Variants in SPOCK3 observed in about 807,000 individuals in gnomAD.
SPOCK3 encodes testican-3.
SPOCK3 carries 30 observed loss-of-function variants against 56.6 expected under a neutral mutation model. The ratio of observed to expected loss-of-function variants is 0.53; its 90% CI spans 0.40 to 0.72. The LOEUF (loss-of-function observed/expected upper bound fraction) is 0.72. Ranked by LOEUF, SPOCK3 falls within the 30% of genes least tolerant of loss-of-function variation. SPOCK3 has a pLI of 0.00. For missense variants in SPOCK3, 527 were observed against 530.0 expected (o/e 0.99, Z 0.06); for synonymous variants, 196 against 183.3 (o/e 1.07, Z -0.56).
chr4:166,929,151 T>C (rs1455150673), intron 4 of SPOCK3, among the ~76,000 whole-genome samples: 1 of 143,536 alleles, frequency 7.0e-6, no homozygotes, highest in Non-Finnish European at 1.5e-5. Context: ...TCAGTATTAC[T>C]GTGAACCAAA....
intron 4 of SPOCK3, among the ~76,000 whole-genome samples, chr4:166,937,291 C>T (rs1200558062): frequency 6.6e-6 from 1 of 151,202 alleles, no homozygotes; most frequent in Non-Finnish European, 1.5e-5. Flanking sequence ...TAATTTTTCC[C>T]AGGATTACCA....
chr4:167,223,530 C>A (rs1172240090), intron 2 of SPOCK3, among the ~76,000 whole-genome samples: 2 of 151,808 alleles, frequency 1.3e-5, no homozygotes, highest in East Asian at 3.9e-4. Context: ...GTCTTTAGAG[C>A]CAAAATTCTA....
intron 2 of SPOCK3, among the ~76,000 whole-genome samples, chr4:167,225,466 T>C (rs1292655933): frequency 6.6e-6 from 1 of 152,086 alleles, no homozygotes; most frequent in Non-Finnish European, 1.5e-5. Context: ...AAAATAACTT[T>C]ATGAAGACTT....
rs180942246 is a variant in SPOCK3 at position 167,034,535 on chromosome 4, G to A, written c.235+27957C>T. Among the ~76,000 whole-genome samples the A allele has an allele frequency of 1.1e-3, 164 of 152,112 alleles. 1 individual carries two copies. The highest frequency in any genetic ancestry group is 6.8e-3 in the Middle Eastern group (2 of 294). ...ACTACCACAAAATGAAACCTACCTTGGCAGCATGGGAATGATTTCATTTTT... is the reference window on the plus strand; with the variant it reads ...ACTACCACAAAATGAAACCTACCTTAGCAGCATGGGAATGATTTCATTTTT... On this transcript the variant is annotated intron_variant, in intron 3 of 10. Coordinates refer to ENST00000357545, the MANE Select transcript of SPOCK3 (RefSeq NM_001040159.2).
intron 6 of SPOCK3, among the ~76,000 whole-genome samples, chr4:166,872,200 G>A (rs1025904554): frequency 1.3e-5 from 2 of 151,868 alleles, no homozygotes; most frequent in South Asian, 2.1e-4. Flanking sequence ...TCCTAGTAGT[G>A]TAATAAGACA....
At chr4:166,886,371 G>T (rs936010795) in intron 6 of SPOCK3, among the ~76,000 whole-genome samples, 4 of 152,090 alleles carry the variant, frequency 2.6e-5, no homozygotes, top group Admixed American at 6.6e-5. Flanking sequence ...TTATGAGTTA[G>T]AAAATGAGAA....
At chr4:166,970,647 C>G (rs983089380) in intron 4 of SPOCK3, among the ~76,000 whole-genome samples, 2 of 151,954 alleles carry the variant, frequency 1.3e-5, no homozygotes, top group Non-Finnish European at 2.9e-5. Flanking sequence ...ATTGCTTGAA[C>G]CCAGGAGGTG....
rs181281474 is a variant in SPOCK3, at chr4:166,867,133, C to T, written c.589+21997G>A. 3.9e-3 allele frequency among the ~76,000 whole-genome samples: 596 copies of T among 152,082 alleles called. 5 individuals carry two copies. The highest frequency in any genetic ancestry group is 0.014 in the African/African-American group (573 of 41,516). On this transcript the variant is annotated intron_variant, in intron 6 of 10. Coordinates refer to ENST00000357545, the MANE Select transcript of SPOCK3 (RefSeq NM_001040159.2). ...CTGATGAAGGCATCATTTTAATGCACAGTTTGCAGAATTGAGAGTGAAGTG... is the reference window on the plus strand; with the variant it reads ...CTGATGAAGGCATCATTTTAATGCATAGTTTGCAGAATTGAGAGTGAAGTG...
In SPOCK3 at chr4:166,945,963, TC is replaced by T. The variant is rs559045962; in HGVS notation, c.351-33221del. On this transcript the variant is annotated intron_variant, in intron 4 of 10. Coordinates refer to ENST00000357545, the MANE Select transcript of SPOCK3 (RefSeq NM_001040159.2). ...CAGAAGTAGTAAAAGAGGAAGAACC[TC>T]CTATTCTCTCTTAAACCCATTTCAA... Among the ~76,000 whole-genome samples the T allele has an allele frequency of 5.8e-4, 89 of 152,252 alleles. 3 individuals carry two copies. The South Asian group carries it at 0.018, about 30-fold the overall frequency.
intron 2 of SPOCK3, among the ~76,000 whole-genome samples, chr4:167,168,151 C>T (rs1730161052): frequency 6.6e-6 from 1 of 152,080 alleles, no homozygotes; most frequent in Non-Finnish European, 1.5e-5. Context: ...TATAAATTAC[C>T]CAGTCTTGGG....
At chr4:166,993,916 G>A (rs925350701) in intron 4 of SPOCK3, among the ~76,000 whole-genome samples, 18 of 152,262 alleles carry the variant, frequency 1.2e-4, no homozygotes, top group Non-Finnish European at 1.2e-4. Flanking sequence ...AAAACAGAGG[G>A]AGATACATAG....
chr4:166,734,787 T>C lies in SPOCK3; in HGVS notation c.*134A>G. 1 of 781,552 alleles carries C rather than the reference T, an allele frequency of 1.3e-6. No individual in the cohort carries two copies. The highest frequency in any genetic ancestry group is 1.9e-6 in the Non-Finnish European group (1 of 516,516). The allele number at this position is 781,552 out of a possible 1,614,324, so 48.4% of individuals were successfully genotyped here. A position where few individuals can be genotyped will look rare whatever the true frequency, so the allele number is the denominator to read the frequency against. ...TAAAGTTCTATAACTTTAGCTGCAA[T>C]TTTTCAAATAATTATACAAAATATA... On this transcript the variant is annotated 3_prime_UTR_variant, in exon 11 of 11. Coordinates refer to ENST00000357545, the MANE Select transcript of SPOCK3 (RefSeq NM_001040159.2).
At chr4:166,894,832 T>A (rs1256531393) in intron 5 of SPOCK3, among the ~76,000 whole-genome samples, 1 of 152,182 alleles carries the variant, frequency 6.6e-6, no homozygotes, top group Non-Finnish European at 1.5e-5. Context: ...GAATTATTAA[T>A]ACGAATATTT....
At chr4:167,206,409 G>T (rs1734338749) in intron 2 of SPOCK3, among the ~76,000 whole-genome samples, 1 of 151,924 alleles carries the variant, frequency 6.6e-6, no homozygotes, top group Admixed American at 6.6e-5. Flanking sequence ...TAACATATAT[G>T]TGTATAAATA....
intron 2 of SPOCK3, among the ~76,000 whole-genome samples, chr4:167,126,103 G>A (rs943105918): frequency 4.6e-5 from 7 of 152,194 alleles, no homozygotes; most frequent in Admixed American, 4.6e-4. Flanking sequence ...GCTTAAAAAA[G>A]AAAAGAGTGA....
At chr4:166,847,790 G>C (rs1339540480) in intron 6 of SPOCK3, among the ~76,000 whole-genome samples, 5 of 150,310 alleles carry the variant, frequency 3.3e-5, no homozygotes, top group African/African-American at 9.8e-5. Context: ...AGACTGATTA[G>C]GCAGAAATTG....
intron 2 of SPOCK3, among the ~76,000 whole-genome samples, chr4:167,156,192 G>A (rs748717511): frequency 1.3e-5 from 2 of 152,060 alleles, no homozygotes; most frequent in Non-Finnish European, 2.9e-5. Flanking sequence ...TACATATACA[G>A]CAAAATCTTA....
chr4:167,184,553 T>C (rs1256165584), intron 2 of SPOCK3, among the ~76,000 whole-genome samples: 1 of 152,186 alleles, frequency 6.6e-6, no homozygotes, highest in Non-Finnish European at 1.5e-5. Context: ...TAAAATAGAT[T>C]ATATTGTCAT....
intron 4 of SPOCK3, among the ~76,000 whole-genome samples, chr4:166,924,173 T>C: frequency 6.6e-6 from 1 of 152,286 alleles, no homozygotes; most frequent in African/African-American, 2.4e-5. Flanking sequence ...TGTCTTTTTT[T>C]CCTCAATGTT....
Sources: gnomAD v4.1 joint callset for allele counts (sites outside exome capture counted in the v4.1 genomes callset) on GRCh38, gnomAD v4.1.1 for gene constraint, MANE v1.5 for transcripts, NCBI Gene and HGNC (gene_info 2026-07-23, HGNC 2026-07-21) for gene names.